Variants in MINDY4B observed in about 807,000 individuals in gnomAD.
The protein encoded by MINDY4B is inactive ubiquitin carboxyl-terminal hydrolase MINDY-4B.
MINDY4B carries 25 observed loss-of-function variants against 16.7 expected under a neutral mutation model. The ratio of observed to expected loss-of-function variants is 1.49; its 90% confidence interval spans 1.09 to 2.09. The LOEUF (loss-of-function observed/expected upper bound fraction) is 2.09. Ranked by LOEUF, MINDY4B falls within the 30% of genes most tolerant of loss-of-function variation. The pLI, the probability that MINDY4B is intolerant of heterozygous loss-of-function variation, is 0.00. For missense variants in MINDY4B, 327 were observed against 168.4 expected (o/e 1.94, Z -5.21); for synonymous variants, 132 against 61.9 (o/e 2.13, Z -5.32).
intron 7 of MINDY4B, among the ~76,000 whole-genome samples, chr3:150,888,135 C>T (rs911937894): frequency 4.6e-5 from 7 of 152,014 alleles, no homozygotes; most frequent in Non-Finnish European, 7.4e-5. Context: ...GCCATGCTCT[C>T]TCTGAAGGCC....
rs1175113771 is a variant in MINDY4B, at chr3:150,871,196, G to A, written c.1241-9C>T. On this transcript the variant is annotated splice_polypyrimidine_tract_variant and intron_variant, in intron 11 of 11. Transcript: ENST00000465419. ...GTGATGGGAGTGAGTATCTGAAGAA[G>A]GAATAGCCAGCATTTAGACCCAAGC... The A allele has an allele frequency of 6.4e-5, 45 of 702,074 alleles. No individual in the cohort carries two copies. The highest frequency in any genetic ancestry group is 1.1e-4 in the Non-Finnish European group (42 of 384,588). The allele number at this position is 702,074 out of a possible 1,614,324, so 43.5% of individuals were successfully genotyped here.
intron 7 of MINDY4B, among the ~76,000 whole-genome samples, chr3:150,890,040 A>G (rs1385233080): frequency 2.6e-5 from 4 of 152,118 alleles, no homozygotes; most frequent in African/African-American, 4.8e-5. Flanking sequence ...CTTGCCACAA[A>G]AGAAATACTG....
Position 150,885,419 on chromosome 3 carries a change from T to C in MINDY4B, c.773A>G (p.His258Arg), listed in dbSNP as rs1283741562. 7.1e-6 allele frequency: 5 copies of C among 702,510 alleles called. No individual in the cohort carries two copies. The East Asian group carries it at 1.1e-4, about 15-fold the overall frequency. The allele number at this position is 702,510 out of a possible 1,614,324, so 43.5% of individuals were successfully genotyped here. A position where few individuals can be genotyped will look rare whatever the true frequency, so the allele number is the denominator to read the frequency against. ...HLLCFRGEGS[H>R]GVILFLYSLI... Reference sequence around the variant, plus strand: ...GCTGTACAGAAACAGGATGACACCATGGCTTCCTTCCCCTCTGAACTGTTC... The same window carrying C: ...GCTGTACAGAAACAGGATGACACCACGGCTTCCTTCCCCTCTGAACTGTTC... Residue 258 changes from histidine to arginine, a missense_variant, in exon 8 of 12, where the codon CAT (histidine) becomes CGT (arginine). Coordinates refer to ENST00000465419, the MANE Select transcript of MINDY4B (RefSeq NM_001351281.2).
chr3:150,890,000 G>GT (rs1462947826), intron 7 of MINDY4B, among the ~76,000 whole-genome samples: 3 of 152,180 alleles, frequency 2.0e-5, no homozygotes, highest in African/African-American at 4.8e-5. Flanking sequence ...TCACCATTTT[G>GT]TTTTTTATTC....
At chr3:150,890,150 G>A (rs1277947779) in intron 7 of MINDY4B, among the ~76,000 whole-genome samples, 170 bp downstream of exon 7, 3 of 152,166 alleles carry the variant, frequency 2.0e-5, no homozygotes, top group Non-Finnish European at 2.9e-5. Flanking sequence ...TTTCTAGGTT[G>A]TGAGGAGGAA....
rs1292490332 is a variant in MINDY4B, at chr3:150,870,964, A to G, written c.*81T>C. 1 of 622,392 alleles carries G rather than the reference A, an allele frequency of 1.6e-6. No homozygotes were observed. The highest frequency in any genetic ancestry group is 2.9e-6 in the Non-Finnish European group (1 of 349,904). 38.6% of individuals were successfully genotyped at this position (622,392 alleles called of 1,614,324 possible). ...GGGCTTGTGAATGAGAAATATGGAA[A>G]CGATTGGTCTCCCCCACATTAGGCT... is the stretch of plus-strand genomic sequence containing the variant. On this transcript the variant is annotated 3_prime_UTR_variant, in exon 12 of 12. Coordinates refer to ENST00000465419, the MANE Select transcript of MINDY4B (RefSeq NM_001351281.2).
chr3:150,877,035 A>T (rs1006472865), intron 10 of MINDY4B, among the ~76,000 whole-genome samples: 5 of 134,424 alleles, frequency 3.7e-5, no homozygotes, highest in African/African-American at 1.5e-4. Context: ...CATGTCATCT[A>T]ATGAGAATAC....
rs770827931 is a variant in MINDY4B, at chr3:150,890,334, C to T, written c.739G>A (p.Asp247Asn). The change falls in exon 7 of 12, where the codon GAT becomes AAT. Residue 247 changes from aspartate (D) to asparagine (N), a missense_variant. Coordinates refer to ENST00000465419, the MANE Select transcript of MINDY4B (RefSeq NM_001351281.2). Reference sequence around the variant, plus strand: ...TAAACACTTACACATAGTAAGTGATCGTAGATGAATTTCTCAGCGGCTTCT... The same window carrying T: ...TAAACACTTACACATAGTAAGTGATTGTAGATGAATTTCTCAGCGGCTTCT... ...EKEAAEKFIY[D>N]HLLCFRGEGS... 27 of 630,598 alleles carry T rather than the reference C, an allele frequency of 4.3e-5. No individual in the cohort carries two copies. Among genetic ancestry groups the T allele is most frequent in the Non-Finnish European group, 3.9e-5 (14 of 356,594 alleles). The allele number at this position is 630,598 out of a possible 1,614,324, so 39.1% of individuals were successfully genotyped here.
At chr3:150,896,179 C>A in intron 3 of MINDY4B, among the ~76,000 whole-genome samples, 1 of 152,100 alleles carries the variant, frequency 6.6e-6, no homozygotes, top group East Asian at 1.9e-4. Flanking sequence ...CTTTCCAGAG[C>A]ATTTTGCATT....
At chr3:150,896,638 G>A (rs1445504091) in intron 3 of MINDY4B, among the ~76,000 whole-genome samples, 1 of 152,152 alleles carries the variant, frequency 6.6e-6, no homozygotes, top group Non-Finnish European at 1.5e-5. Context: ...TGCAGTGATT[G>A]TTATCTCTCT....
At chr3:150,900,631 A>T (rs1487804862) in intron 3 of MINDY4B, among the ~76,000 whole-genome samples, 1 of 152,114 alleles carries the variant, frequency 6.6e-6, no homozygotes, top group African/African-American at 2.4e-5. Flanking sequence ...ATAAATCCAA[A>T]TTTATTTTTT....
intron 10 of MINDY4B, among the ~76,000 whole-genome samples, chr3:150,879,385 C>G (rs1183436056): frequency 6.6e-6 from 1 of 152,132 alleles, no homozygotes; most frequent in Non-Finnish European, 1.5e-5. Context: ...GAATGCTGCT[C>G]AATAGCCTGC....
intron 10 of MINDY4B, among the ~76,000 whole-genome samples, chr3:150,878,253 TATAA>T: frequency 6.6e-6 from 1 of 152,314 alleles, no homozygotes; most frequent in Middle Eastern, 3.4e-3. Context: ...AGCATATAAG[TATAA>T]ATAAACTTGA....
intron 10 of MINDY4B, among the ~76,000 whole-genome samples, chr3:150,879,880 G>A (rs1319788761): frequency 6.6e-6 from 1 of 152,194 alleles, no homozygotes; most frequent in Non-Finnish European, 1.5e-5. Context: ...ATCAGTGTAT[G>A]TATGGTCAAG....
At chr3:150,892,811 C>T (rs2107906392) in intron 5 of MINDY4B, among the ~76,000 whole-genome samples, 1 of 150,818 alleles carries the variant, frequency 6.6e-6, no homozygotes, top group African/African-American at 2.4e-5. Context: ...AAAAAATTAG[C>T]CGGGTGTAAT....
chr3:150,885,497 T>C (rs892249094), intron 7 of MINDY4B, 59 bp from the exon 8 acceptor site: 15 of 694,058 alleles, frequency 2.2e-5, no homozygotes, highest in Non-Finnish European at 3.9e-5. Context: ...CACGTGTATC[T>C]GTGGGTATGA....
intron 5 of MINDY4B, among the ~76,000 whole-genome samples, chr3:150,893,015 G>T (rs1266173148): frequency 6.6e-6 from 1 of 151,868 alleles, no homozygotes; most frequent in Non-Finnish European, 1.5e-5. Flanking sequence ...TAATTATTAG[G>T]TTAGAGCTTT....
intron 7 of MINDY4B, among the ~76,000 whole-genome samples, chr3:150,889,785 T>G (rs113113166): frequency 2.0e-5 from 3 of 152,324 alleles, no homozygotes; most frequent in East Asian, 3.9e-4. Context: ...GTCTTAAAAA[T>G]GTCTTCCATT....
chr3:150,904,465 A>G (rs1712193494), intron 2 of MINDY4B, among the ~76,000 whole-genome samples: 1 of 152,222 alleles, frequency 6.6e-6, no homozygotes, highest in African/African-American at 2.4e-5. Context: ...TTGATCATAT[A>G]TACTAGTACC....
Sources: allele counts gnomAD v4.1 joint callset (sites outside exome capture counted in the v4.1 genomes callset), GRCh38; gene constraint gnomAD v4.1.1; transcripts MANE v1.5; gene names NCBI Gene and HGNC (gene_info 2026-07-23, HGNC 2026-07-21).